Variants in PDE10A observed in about 807,000 individuals in gnomAD.
PDE10A encodes cAMP and cAMP-inhibited cGMP 3',5'-cyclic phosphodiesterase 10A.
In PDE10A, 39 loss-of-function variants were observed where a neutral mutation model predicts 97.7. The observed-to-expected ratio is 0.40, with a 90% CI of 0.31 to 0.52. The LOEUF (loss-of-function observed/expected upper bound fraction) is 0.52, where lower values mean the gene tolerates loss of function less well. PDE10A is among the 20% of genes least tolerant of loss of function. The probability of loss-of-function intolerance (pLI) is 0.56; values close to 1 mark genes in which losing one functional copy is unlikely to be tolerated. For missense variants in PDE10A, 731 were observed against 1,047.8 expected (o/e 0.70, Z 4.17); for synonymous variants, 371 against 376.8 (o/e 0.98, Z 0.18).
chr6:165,965,939 T>A (rs1458906237), intron 1 of PDE10A, among the ~76,000 whole-genome samples: 1 of 152,196 alleles, frequency 6.6e-6, no homozygotes, highest in Non-Finnish European at 1.5e-5. Flanking sequence ...AAACATTCAG[T>A]AAACTATATT....
At chr6:165,617,442 C>A in intron 1 of PDE10A, among the ~76,000 whole-genome samples, 1 of 152,158 alleles carries the variant, frequency 6.6e-6, no homozygotes, top group Non-Finnish European at 1.5e-5. Context: ...CTCCCAGGTT[C>A]AAGCGATTCT....
intron 1 of PDE10A, among the ~76,000 whole-genome samples, chr6:165,549,002 A>T (rs991868233): frequency 1.5e-4 from 16 of 105,752 alleles, no homozygotes; most frequent in African/African-American, 4.4e-4. Flanking sequence ...AAATTGTCCC[A>T]TCTTGCAGCC....
intron 3 of PDE10A, among the ~76,000 whole-genome samples, chr6:165,480,096 T>C (rs1779516817): frequency 1.3e-5 from 2 of 152,200 alleles, no homozygotes; most frequent in African/African-American, 4.8e-5. Context: ...ATATAGTTTG[T>C]CCAAAGACTG....
intron 1 of PDE10A, among the ~76,000 whole-genome samples, chr6:165,910,053 C>T (rs1043040962): frequency 1.4e-4 from 22 of 152,102 alleles, no homozygotes; most frequent in African/African-American, 5.1e-4. Context: ...ATGCAAGGCT[C>T]GGGGATTTTA....
At chr6:165,622,121 G>A (rs1788168323) in intron 1 of PDE10A, among the ~76,000 whole-genome samples, 1 of 152,102 alleles carries the variant, frequency 6.6e-6, no homozygotes, top group African/African-American at 2.4e-5. Context: ...ACTGGCTGAG[G>A]TTCCAGCCTG....
At chr6:165,472,070 A>T (rs1025535355) in intron 3 of PDE10A, among the ~76,000 whole-genome samples, 1 of 152,088 alleles carries the variant, frequency 6.6e-6, no homozygotes, top group Non-Finnish European at 1.5e-5. Flanking sequence ...ATAATGTAGA[A>T]ATTTTCTCCT....
At chr6:165,416,358 AT>A in intron 11 of PDE10A, 77 bp from the exon 12 acceptor site, 1 of 928,102 alleles carries the variant, frequency 1.1e-6, no homozygotes, top group Non-Finnish European at 1.8e-6. Context: ...TCCATTGTTA[AT>A]AATATTGAAT....
intron 1 of PDE10A, among the ~76,000 whole-genome samples, chr6:165,629,126 T>C (rs1788515837): frequency 6.6e-6 from 1 of 152,166 alleles, no homozygotes; most frequent in African/African-American, 2.4e-5. Flanking sequence ...AGAAAAACTT[T>C]TGAAGAGTTC....
chr6:165,481,520 A>G (rs1299796022), intron 3 of PDE10A, among the ~76,000 whole-genome samples: 4 of 152,152 alleles, frequency 2.6e-5, no homozygotes, highest in African/African-American at 4.8e-5. Flanking sequence ...TTTTCAATTT[A>G]TGTCTTACAA....
chr6:165,791,058 C>T (rs987363669), intron 1 of PDE10A, among the ~76,000 whole-genome samples: 1 of 152,054 alleles, frequency 6.6e-6, no homozygotes, highest in African/African-American at 2.4e-5. Context: ...AATCCTCCCG[C>T]CTCAGCTTCC....
At chr6:165,496,257 G>T (rs1780531975) in intron 2 of PDE10A, among the ~76,000 whole-genome samples, 2 of 152,068 alleles carry the variant, frequency 1.3e-5, no homozygotes, top group African/African-American at 4.8e-5. Flanking sequence ...CTTCTAGTCT[G>T]TCTGAGAGGT....
intron 3 of PDE10A, among the ~76,000 whole-genome samples, chr6:165,476,195 G>GT (rs547512326): frequency 6.6e-6 from 1 of 151,896 alleles, no homozygotes; most frequent in South Asian, 2.1e-4. Flanking sequence ...TATCCAAAGC[G>GT]TTAGTATTAT....
chr6:165,738,393 T>C (rs540006299), intron 1 of PDE10A, among the ~76,000 whole-genome samples: 1 of 150,870 alleles, frequency 6.6e-6, no homozygotes, highest in African/African-American at 2.4e-5. Context: ...GTGCCACATT[T>C]TCTTAATCCA....
intron 3 of PDE10A, among the ~76,000 whole-genome samples, chr6:165,472,762 G>T (rs575255661): frequency 6.6e-6 from 1 of 152,194 alleles, no homozygotes; most frequent in South Asian, 2.1e-4. Flanking sequence ...CTGGTAAAAG[G>T]AAATACAATT....
chr6:165,873,036 T>C (rs181096550), intron 1 of PDE10A, among the ~76,000 whole-genome samples: 176 of 152,278 alleles, frequency 1.2e-3, no homozygotes, highest in Middle Eastern at 6.8e-3. Context: ...CTTCACGTGA[T>C]GAAAAATGGA....
chr6:165,343,506 G>T lies in PDE10A; in HGVS notation c.2784-4C>A, dbSNP rs899041083. ...CATCAAACCAATTACACGGTCTCTA[G>T]AACACAACAATATAAGACTGGTCAG... On this transcript the variant is annotated splice_region_variant and splice_polypyrimidine_tract_variant and intron_variant, in intron 18 of 21. Transcript: ENST00000539869. 1.3e-6 allele frequency: 2 copies of T among 1,595,780 alleles called. No individual in the cohort carries two copies. The highest frequency in any genetic ancestry group is 1.7e-6 in the Non-Finnish European group (2 of 1,163,406).
At chr6:165,635,733 G>A (rs1006704529) in intron 1 of PDE10A, among the ~76,000 whole-genome samples, 1 of 152,106 alleles carries the variant, frequency 6.6e-6, no homozygotes, top group Non-Finnish European at 1.5e-5. Context: ...ATAGACTATC[G>A]TAAACACAGC....
intron 1 of PDE10A, among the ~76,000 whole-genome samples, chr6:165,613,833 A>G (rs1050144197): frequency 6.6e-6 from 1 of 152,116 alleles, no homozygotes; most frequent in Non-Finnish European, 1.5e-5. Flanking sequence ...TTAACTGCTA[A>G]TACCAACCTG....
intron 1 of PDE10A, among the ~76,000 whole-genome samples, chr6:165,874,731 T>A (rs929153729): frequency 2.0e-5 from 3 of 152,176 alleles, no homozygotes; most frequent in Non-Finnish European, 4.4e-5. Context: ...ATATTTCAAG[T>A]CCACTAAAAA....
Sources: gnomAD v4.1 joint callset for allele counts (sites outside exome capture counted in the v4.1 genomes callset) on GRCh38, gnomAD v4.1.1 for gene constraint, MANE v1.5 for transcripts, NCBI Gene and HGNC (gene_info 2026-07-23, HGNC 2026-07-21) for gene names.